The following ABTB2 variants were observed in gnomAD, a reference collection of about 807,000 sequenced individuals.
ABTB2 encodes the protein ankyrin repeat and BTB/POZ domain-containing protein 2.
A neutral mutation model predicts 104.1 loss-of-function variants in ABTB2; 56 were observed. That is an observed-to-expected ratio of 0.54 (90% CI 0.43 to 0.67). The LOEUF (loss-of-function observed/expected upper bound fraction) is 0.67, where lower values mean the gene tolerates loss of function less well. ABTB2 is among the 30% of genes least tolerant of loss of function. The pLI is 0.00. For synonymous variants in ABTB2, 606 were observed against 608.2 expected (o/e 1.00, Z 0.05); for missense variants, 1,279 against 1,407.7 (o/e 0.91, Z 1.46).
In ABTB2 at chr11:34,301,139, G is replaced by A. The variant is rs534273534; in HGVS notation, c.883+55562C>T. 5.3e-4 allele frequency among the ~76,000 whole-genome samples: 80 copies of A among 152,182 alleles called. 1 individual carries two copies. Among genetic ancestry groups the A allele is most frequent in the Non-Finnish European group, 6.9e-4 (47 of 68,046 alleles). ...GCCTTCCAGCCCCAAAGCTGTTAGA[G>A]AAAATGGAATTTCAGCCTTGAAGGC... On this transcript the variant is annotated intron_variant, in intron 1 of 16. Transcript: ENST00000435224.
chr11:34,251,489 C>T (rs1375834652), intron 1 of ABTB2, among the ~76,000 whole-genome samples: 1 of 152,242 alleles, frequency 6.6e-6, no homozygotes, highest in Non-Finnish European at 1.5e-5. Context: ...ACCCTGTCCT[C>T]CTCCTTCCCC....
At chr11:34,249,589 C>G (rs1196949494) in intron 1 of ABTB2, among the ~76,000 whole-genome samples, 1 of 152,126 alleles carries the variant, frequency 6.6e-6, no homozygotes, top group African/African-American at 2.4e-5. Flanking sequence ...TGAGCTTGAC[C>G]CCACTACCCC....
At chr11:34,216,253 G>C (rs1422460256) in intron 1 of ABTB2, among the ~76,000 whole-genome samples, 1 of 152,154 alleles carries the variant, frequency 6.6e-6, no homozygotes, top group Non-Finnish European at 1.5e-5. Context: ...AGGCTTCCTG[G>C]AAGAAGGGAC....
Position 34,357,260 on chromosome 11 carries a change from G to T in ABTB2, c.324C>A (p.Leu108=). The stretch of plus-strand genomic sequence containing the variant: ...GCCGCCGGCCGCCAGCGCCTTTGCG[G>T]AGCACCCGGGCCACGTCTCCTTCGG... The part of the protein sequence containing the change: ...PWTEGDVARV[L]RKGAGGRRLP... The change falls in exon 1 of 17, where the codon CTC becomes CTA. Residue 108 remains leucine, a synonymous_variant. Transcript: ENST00000435224. 6.7e-7 allele frequency: 1 copy of T among 1,496,170 alleles called. No homozygotes were observed. Among genetic ancestry groups the T allele is most frequent in the Non-Finnish European group, 8.9e-7 (1 of 1,127,798 alleles). 92.7% of individuals were successfully genotyped at this position (1,496,170 alleles called of 1,614,324 possible). A position where few individuals can be genotyped will look rare whatever the true frequency, so the allele number is the denominator to read the frequency against.
intron 1 of ABTB2, among the ~76,000 whole-genome samples, chr11:34,342,262 C>T (rs1855270538): frequency 6.6e-6 from 1 of 152,226 alleles, no homozygotes; most frequent in East Asian, 1.9e-4. Context: ...ATACCTACCC[C>T]ACAGTTCTCA....
intron 8 of ABTB2, 62 bp from the exon 9 acceptor site, chr11:34,164,883 C>G (rs571226764): frequency 6.5e-7 from 1 of 1,549,662 alleles, no homozygotes. Context: ...GCAGCTGAGG[C>G]GAAAGGGAAG....
intron 1 of ABTB2, among the ~76,000 whole-genome samples, chr11:34,256,361 G>A (rs73495568): frequency 0.028 from 4,232 of 152,036 alleles, 201 homozygotes; most frequent in African/African-American, 0.098. Flanking sequence ...GCTCCCTTTC[G>A]TCTTCTGAGT....
chr11:34,328,796 A>G (rs1296451366), intron 1 of ABTB2, among the ~76,000 whole-genome samples: 1 of 152,210 alleles, frequency 6.6e-6, no homozygotes, highest in Non-Finnish European at 1.5e-5. Flanking sequence ...TGGAAAGCAA[A>G]TTGGCCACTT....
chr11:34,198,989 A>G (rs1853302399), intron 2 of ABTB2, among the ~76,000 whole-genome samples: 1 of 152,228 alleles, frequency 6.6e-6, no homozygotes, highest in African/African-American at 2.4e-5. Context: ...TGGCAGAACC[A>G]GTTCATTCAT....
intron 1 of ABTB2, among the ~76,000 whole-genome samples, chr11:34,338,427 C>T (rs1032355584): frequency 3.4e-5 from 5 of 146,256 alleles, no homozygotes; most frequent in Admixed American, 6.8e-5. Flanking sequence ...TCGGGAATGG[C>T]GGCTCACACC....
intron 1 of ABTB2, among the ~76,000 whole-genome samples, chr11:34,297,973 T>C (rs768023826): frequency 6.6e-6 from 1 of 151,994 alleles, no homozygotes; most frequent in African/African-American, 2.4e-5. Context: ...TTCTACCATA[T>C]ACAAACACTG....
intron 1 of ABTB2, among the ~76,000 whole-genome samples, chr11:34,275,244 G>C (rs1854370251): frequency 6.6e-6 from 1 of 152,202 alleles, no homozygotes; most frequent in Admixed American, 6.5e-5. Flanking sequence ...CAGGGCTGAA[G>C]CCTGCAGGCC....
intron 1 of ABTB2, among the ~76,000 whole-genome samples, chr11:34,217,648 G>A (rs1280897998): frequency 5.9e-5 from 9 of 152,104 alleles, no homozygotes; most frequent in Non-Finnish European, 1.0e-4. Context: ...TTTTAGTAGA[G>A]ACGGGGTTTC....
At position 34,167,354 on chromosome 11, in the gene ABTB2, T is replaced by G; in HGVS notation, c.1660A>C (p.Ser554Arg). The G allele has an allele frequency of 6.2e-7, 1 of 1,612,714 alleles. No homozygotes were observed. The highest frequency in any genetic ancestry group is 8.5e-7 in the Non-Finnish European group (1 of 1,179,348). Residue 554 changes from serine to arginine, a missense_variant, in exon 7 of 17, where the codon AGC becomes CGC. By Grantham distance (110) the Ser-to-Arg change is moderately radical. Coordinates refer to ENST00000435224, the MANE Select transcript of ABTB2 (RefSeq NM_145804.3). The part of the protein sequence containing the change: ...AGANLDIQVP[S>R]NSPRHPSIHP... Reference sequence around the variant, plus strand: ...ATGGAAGGGTGCCTGGGGGAGTTGCTTGGAACCTGGAAAATACCACAAATC... The same window carrying G: ...ATGGAAGGGTGCCTGGGGGAGTTGCGTGGAACCTGGAAAATACCACAAATC...
At chr11:34,234,193 C>T (rs932931152) in intron 1 of ABTB2, among the ~76,000 whole-genome samples, 2 of 152,106 alleles carry the variant, frequency 1.3e-5, no homozygotes, top group African/African-American at 2.4e-5. Flanking sequence ...GAGCGTCTCC[C>T]TGGAGGAGGT....
rs1192380176 is a variant in ABTB2 at position 34,197,400 on chromosome 11, AAGT to A, written c.1166_1168del (p.Tyr389del). ...GGACTCCATCTGTGGACACCGCAGA[AAGT>A]AGTAGAGCGTGTGGAGGGCGTCGGG... is the stretch of plus-strand genomic sequence containing the variant. On this transcript the variant is annotated inframe_deletion, in exon 3 of 17. Coordinates refer to ENST00000435224, the MANE Select transcript of ABTB2 (RefSeq NM_145804.3). 1 of 1,613,486 alleles carries A rather than the reference AAGT, an allele frequency of 6.2e-7. No individual in the cohort carries two copies. The highest frequency in any genetic ancestry group is 2.2e-5 in the East Asian group (1 of 44,852).
intron 1 of ABTB2, among the ~76,000 whole-genome samples, chr11:34,268,652 T>C (rs1165413532): frequency 6.6e-6 from 1 of 152,204 alleles, no homozygotes; most frequent in Non-Finnish European, 1.5e-5. Flanking sequence ...TACCATGAAC[T>C]GGGAGGCTTT....
At chr11:34,317,569 T>C (rs945096188) in intron 1 of ABTB2, among the ~76,000 whole-genome samples, 1 of 151,896 alleles carries the variant, frequency 6.6e-6, no homozygotes, top group African/African-American at 2.4e-5. Context: ...GTATAGGAGT[T>C]CAAGACCAGC....
At chr11:34,211,019 T>C (rs181195628) in intron 1 of ABTB2, among the ~76,000 whole-genome samples, 1 of 152,362 alleles carries the variant, frequency 6.6e-6, no homozygotes, top group Admixed American at 6.5e-5. Flanking sequence ...CCAGTTGTTA[T>C]ATATTAGTCA....
Sources: allele counts gnomAD v4.1 joint callset (sites outside exome capture counted in the v4.1 genomes callset), GRCh38; gene constraint gnomAD v4.1.1; transcripts MANE v1.5; gene names NCBI Gene and HGNC (gene_info 2026-07-23, HGNC 2026-07-21).